The following CDK6 variants were observed in gnomAD, a reference collection of about 807,000 sequenced individuals.
The protein encoded by CDK6 is cyclin-dependent kinase 6.
CDK6 carries 6 observed loss-of-function variants against 37.1 expected under a neutral mutation model. The ratio of observed to expected loss-of-function variants is 0.16; its 90% CI spans 0.09 to 0.32. The LOEUF is 0.32. Ranked by LOEUF, CDK6 falls within the 10% of genes least tolerant of loss-of-function variation. The pLI is 1.00. For synonymous variants in CDK6, 160 were observed against 161.3 expected (o/e 0.99, Z 0.06); for missense variants, 224 against 418.9 (o/e 0.53, Z 4.06).
intron 4 of CDK6, among the ~76,000 whole-genome samples, chr7:92,686,821 G>T (rs1219546506): frequency 6.6e-6 from 1 of 152,006 alleles, no homozygotes; most frequent in Non-Finnish European, 1.5e-5. Flanking sequence ...ATTCTTGCAG[G>T]AGTAAGGCAG....
chr7:92,659,478 A>G (rs1232658399), intron 5 of CDK6, among the ~76,000 whole-genome samples: 4 of 152,212 alleles, frequency 2.6e-5, no homozygotes, highest in African/African-American at 9.6e-5. Flanking sequence ...AGCTACTAGA[A>G]AATTCAAAAA....
intron 2 of CDK6, among the ~76,000 whole-genome samples, chr7:92,777,171 A>T (rs942891893): frequency 6.6e-6 from 1 of 151,974 alleles, no homozygotes; most frequent in Non-Finnish European, 1.5e-5. Flanking sequence ...TCATTTCCCC[A>T]TTTCTTGTTT....
intron 2 of CDK6, among the ~76,000 whole-genome samples, chr7:92,780,529 G>A (rs1313711868): frequency 2.0e-5 from 3 of 151,976 alleles, no homozygotes; most frequent in Non-Finnish European, 4.4e-5. Flanking sequence ...GGGAGCCCGA[G>A]GAGGGCGGCT....
intron 2 of CDK6, among the ~76,000 whole-genome samples, chr7:92,828,539 T>TA (rs1801391242): frequency 6.6e-6 from 1 of 152,192 alleles, no homozygotes; most frequent in Non-Finnish European, 1.5e-5. Flanking sequence ...GTTTCCTTCT[T>TA]AAAAAACTTT....
intron 2 of CDK6, among the ~76,000 whole-genome samples, chr7:92,814,970 T>C (rs1485838586): frequency 2.0e-5 from 3 of 152,126 alleles, no homozygotes; most frequent in Non-Finnish European, 4.4e-5. Flanking sequence ...ATCAGTGACA[T>C]GCTCAAATAT....
intron 2 of CDK6, among the ~76,000 whole-genome samples, chr7:92,791,284 T>A (rs3731298): frequency 6.6e-4 from 101 of 152,126 alleles, no homozygotes; most frequent in Admixed American, 3.1e-3. Flanking sequence ...GATCTTTGGT[T>A]TTCAGAGGCC....
chr7:92,772,735 C>T (rs143988901), intron 3 of CDK6, among the ~76,000 whole-genome samples: 3 of 151,882 alleles, frequency 2.0e-5, no homozygotes, highest in East Asian at 1.9e-4. Context: ...CCTTGAGATT[C>T]CCCCCATTCC....
At chr7:92,682,848 C>G (rs751868179) in intron 4 of CDK6, among the ~76,000 whole-genome samples, 1 of 152,142 alleles carries the variant, frequency 6.6e-6, no homozygotes, top group African/African-American at 2.4e-5. Context: ...GTGCAAGGAC[C>G]ATTTTATTTT....
chr7:92,757,142 G>A (rs1799337514), intron 3 of CDK6, among the ~76,000 whole-genome samples: 1 of 152,152 alleles, frequency 6.6e-6, no homozygotes, highest in South Asian at 2.1e-4. Context: ...ACAAAGTACT[G>A]TAATATTGAT....
intron 2 of CDK6, among the ~76,000 whole-genome samples, chr7:92,798,376 C>T (rs1800470253): frequency 6.6e-6 from 1 of 152,078 alleles, no homozygotes; most frequent in Non-Finnish European, 1.5e-5. Flanking sequence ...CTTTAAAATG[C>T]CAAATGTCAA....
intron 7 of CDK6, among the ~76,000 whole-genome samples, chr7:92,617,655 T>A (rs1343731275): frequency 6.6e-6 from 1 of 152,190 alleles, no homozygotes; most frequent in African/African-American, 2.4e-5. Flanking sequence ...GCTATATAGT[T>A]CTTTTGGAAA....
At chr7:92,618,457 G>C (rs1294482703) in intron 6 of CDK6, among the ~76,000 whole-genome samples, 1 of 152,162 alleles carries the variant, frequency 6.6e-6, no homozygotes, top group Non-Finnish European at 1.5e-5. Flanking sequence ...TGCTCTGGTA[G>C]CAGACACTAA....
chr7:92,755,740 G>A (rs1223862014), intron 3 of CDK6, among the ~76,000 whole-genome samples: 2 of 152,074 alleles, frequency 1.3e-5, no homozygotes, highest in African/African-American at 4.8e-5. Flanking sequence ...GTATAAGTTG[G>A]GGTGCGGATA....
intron 2 of CDK6, among the ~76,000 whole-genome samples, chr7:92,830,279 T>C (rs921799352): frequency 6.6e-6 from 1 of 152,212 alleles, no homozygotes; most frequent in Non-Finnish European, 1.5e-5. Context: ...GCAGTACCAG[T>C]GCCAGCAATA....
chr7:92,774,598 AG>A, intron 3 of CDK6, 97 bp downstream of exon 3: 1 of 1,081,358 alleles, frequency 9.2e-7, no homozygotes. Flanking sequence ...GAATTCTAAA[AG>A]TTGTAATTGT....
Position 92,611,864 on chromosome 7 carries a change from C to T in CDK6, c.*3276G>A, listed in dbSNP as rs1290203804. The T allele has an allele frequency of 4.3e-6, 1 of 232,226 alleles. No homozygotes were observed. The highest frequency in any genetic ancestry group is 8.5e-6 in the Non-Finnish European group (1 of 117,452). The allele number at this position is 232,226 out of a possible 1,614,324, so 14.4% of individuals were successfully genotyped here. A position where few individuals can be genotyped will look rare whatever the true frequency, so the allele number is the denominator to read the frequency against. ...GGCTAAATGAAAAGTCTGCCATTCA[C>T]AGTGTGTGCTTCCTGAGAGAAAATC... On this transcript the variant is annotated 3_prime_UTR_variant, in exon 8 of 8. Coordinates refer to ENST00000424848, the MANE Select transcript of CDK6 (RefSeq NM_001145306.2).
At chr7:92,758,731 G>A (rs1285512700) in intron 3 of CDK6, among the ~76,000 whole-genome samples, 1 of 152,142 alleles carries the variant, frequency 6.6e-6, no homozygotes, top group African/African-American at 2.4e-5. Context: ...TGGGCAGTAT[G>A]TCCATTTTAA....
chr7:92,747,419 T>C lies in CDK6; in HGVS notation c.370-21626A>G, dbSNP rs372300720. 4.4e-4 allele frequency among the ~76,000 whole-genome samples: 67 copies of C among 152,274 alleles called. 2 individuals carry two copies. Among genetic ancestry groups the C allele is most frequent in the African/African-American group, 1.5e-3 (64 of 41,548 alleles). ...ATCAGCCACCCACCCAAGAGCTGCC[T>C]AATTTGAGTTTGAAACACAGTGCCT... On this transcript the variant is annotated intron_variant, in intron 3 of 7. Coordinates refer to ENST00000424848, the MANE Select transcript of CDK6 (RefSeq NM_001145306.2).
chr7:92,626,481 A>C (rs1562915157), intron 5 of CDK6, among the ~76,000 whole-genome samples: 1 of 152,112 alleles, frequency 6.6e-6, no homozygotes, highest in East Asian at 1.9e-4. Flanking sequence ...TGGGAAGTAA[A>C]GTAACATCTA....
Sources: gnomAD v4.1 joint callset for allele counts (sites outside exome capture counted in the v4.1 genomes callset) on GRCh38, gnomAD v4.1.1 for gene constraint, MANE v1.5 for transcripts, NCBI Gene and HGNC (gene_info 2026-07-23, HGNC 2026-07-21) for gene names.